MSANTD4: variants seen among roughly 807,000 people sequenced by gnomAD.
MSANTD4 encodes Myb/SANT DNA binding domain containing 4 with coiled-coils, also known as myb/SANT-like DNA-binding domain-containing protein 4.
In MSANTD4, 13 loss-of-function variants were observed where a neutral mutation model predicts 34.3. The ratio of observed to expected loss-of-function variants is 0.38; its 90% CI spans 0.25 to 0.60. MSANTD4 has a LOEUF of 0.60. Ranked by LOEUF, MSANTD4 falls within the 20% of genes least tolerant of loss-of-function variation. MSANTD4 has a pLI of 0.63. For synonymous variants in MSANTD4, 137 were observed against 145.2 expected, an observed-to-expected ratio of 0.94 and a Z score of 0.41; for missense variants, 358 against 401.8, an observed-to-expected ratio of 0.89 and a Z score of 0.93.
chr11:106,011,878 C>A (rs556364076), intron 1 of MSANTD4, among the ~76,000 whole-genome samples: 1 of 152,190 alleles, frequency 6.6e-6, no homozygotes, highest in African/African-American at 2.4e-5. Context: ...AACTCAGAAA[C>A]CAATTTGAGA....
chr11:106,019,996 G>A (rs1859981952), intron 1 of MSANTD4, among the ~76,000 whole-genome samples: 1 of 152,186 alleles, frequency 6.6e-6, no homozygotes, highest in South Asian at 2.1e-4. Flanking sequence ...CGATTAAGAA[G>A]TTTATCATGC....
Position 106,021,208 on chromosome 11 carries a change from C to T in MSANTD4, c.-397G>A, listed in dbSNP as rs1565392535. On this transcript the variant is annotated 5_prime_UTR_variant, in exon 1 of 3. Coordinates refer to ENST00000301919, the MANE Select transcript of MSANTD4 (RefSeq NM_032424.3). ...CTATCCCTTTTCTATTGCCTGTCAT[C>T]GCTCTCTTAGCAGAAAGGATTCAAC... 1 of 152,336 alleles carries T rather than the reference C, an allele frequency of 6.6e-6. No homozygotes were observed. The highest frequency in any genetic ancestry group is 1.9e-4 in the East Asian group (1 of 5,188). The allele number at this position is 152,336 out of a possible 1,614,324, so 9.4% of individuals were successfully genotyped here. A position where few individuals can be genotyped will look rare whatever the true frequency, so the allele number is the denominator to read the frequency against.
intron 1 of MSANTD4, among the ~76,000 whole-genome samples, chr11:106,018,188 A>G (rs1321244742): frequency 6.6e-6 from 1 of 152,228 alleles, no homozygotes; most frequent in African/African-American, 2.4e-5. Context: ...TGTATAGTCA[A>G]TATATTATTT....
chr11:106,020,441 T>G (rs907203824), intron 1 of MSANTD4, among the ~76,000 whole-genome samples: 2 of 152,222 alleles, frequency 1.3e-5, no homozygotes, highest in Non-Finnish European at 2.9e-5. Flanking sequence ...ACTGTTACTG[T>G]AGTAACATAT....
At chr11:106,010,435 G>A (rs751893044) in intron 2 of MSANTD4, 21 bp downstream of exon 2, 3 of 1,576,530 alleles carry the variant, frequency 1.9e-6, no homozygotes, top group African/African-American at 2.7e-5. Context: ...ATTAAAAGAG[G>A]GTACAGAGGC....
intron 1 of MSANTD4, among the ~76,000 whole-genome samples, chr11:106,018,989 T>C (rs560592302): frequency 6.6e-6 from 1 of 152,346 alleles, no homozygotes; most frequent in Admixed American, 6.5e-5. Flanking sequence ...TCAATAGGTA[T>C]ATACTGAGTG....
At chr11:106,011,862 C>CT (rs1252525557) in intron 1 of MSANTD4, among the ~76,000 whole-genome samples, 15 of 152,148 alleles carry the variant, frequency 9.9e-5, no homozygotes, top group African/African-American at 3.6e-4. Flanking sequence ...GCTGCAAAAT[C>CT]AATAAAACTC....
Position 106,009,631 on chromosome 11 carries a change from A to G in MSANTD4, c.942T>C (p.Phe314=). ...GCAGCTTCTCAGATTCAAACTTCAA[A>G]AACTGCAGCCTATCCTTTTCCAGTT... The part of the protein sequence containing the change: ...RLQLEKDRLQ[F]LKFESEKLQI... Residue 314 remains phenylalanine (F), a synonymous_variant, in exon 3 of 3, where the codon TTT becomes TTC. Coordinates refer to ENST00000301919, the MANE Select transcript of MSANTD4 (RefSeq NM_032424.3). 6.2e-7 allele frequency: 1 copy of G among 1,614,138 alleles called. No individual in the cohort carries two copies.
intron 1 of MSANTD4, among the ~76,000 whole-genome samples, chr11:106,018,619 C>A (rs557574185): frequency 6.6e-6 from 1 of 152,194 alleles, no homozygotes; most frequent in Non-Finnish European, 1.5e-5. Flanking sequence ...AAGAAACTTC[C>A]TTTAGGAGAT....
intron 1 of MSANTD4, among the ~76,000 whole-genome samples, chr11:106,012,018 G>A (rs1859708920): frequency 6.6e-6 from 1 of 151,824 alleles, no homozygotes; most frequent in Non-Finnish European, 1.5e-5. Context: ...AACAATGAAA[G>A]TATTGTAGGA....
At position 106,010,815 on chromosome 11, in the gene MSANTD4, G is replaced by C; in HGVS notation, c.103C>G (p.Gln35Glu). 1 of 1,614,016 alleles carries C rather than the reference G, an allele frequency of 6.2e-7. No individual in the cohort carries two copies. The change falls in exon 2 of 3, where the codon CAG (glutamine) becomes GAG (glutamate). Residue 35 changes from glutamine (Q) to glutamate (E), a missense_variant. This residue lies in a region of MSANTD4 where 46 missense variants were observed against 84.3 expected (regional missense o/e 0.55). Transcript: ENST00000301919. ...TKRKEVIFSK[Q>E]LNTTINVMKR... is the part of the protein sequence containing the mutation. ...ATCACATTAATTGTTGTATTGAGCT[G>C]CTTGGAAAAAATGACTTCTTTCCTT...
rs1047148657 is a variant in MSANTD4 at position 106,021,718 on chromosome 11, A to G, written c.-907T>C. On this transcript the variant is annotated 5_prime_UTR_variant, in exon 1 of 3. Transcript: ENST00000301919. Reference sequence around the variant, plus strand: ...GTATACTTATGGGTCGACGGTTATCAAAGTATCTTTCACCTCCCTCCCGCT... The same window carrying G: ...GTATACTTATGGGTCGACGGTTATCGAAGTATCTTTCACCTCCCTCCCGCT... 6.6e-6 allele frequency: 1 copy of G among 152,174 alleles called. No individual in the cohort carries two copies. Among genetic ancestry groups the G allele is most frequent in the African/African-American group, 2.4e-5 (1 of 41,422 alleles). The allele number at this position is 152,174 out of a possible 1,614,324, so 9.4% of individuals were successfully genotyped here.
intron 1 of MSANTD4, among the ~76,000 whole-genome samples, chr11:106,017,777 G>A (rs556187005): frequency 6.6e-5 from 10 of 152,128 alleles, no homozygotes; most frequent in Non-Finnish European, 8.8e-5. Context: ...GAGAAATGAC[G>A]TGCATATGAA....
chr11:106,021,647 C>T lies in MSANTD4; in HGVS notation c.-836G>A, dbSNP rs1860041101. ...TTCTTATAGGGGATTCACTTCCCTG[C>T]CAAAAAGTATGTTCTTCTCTAAAAC... On this transcript the variant is annotated 5_prime_UTR_variant, in exon 1 of 3. Transcript: ENST00000301919. 1 of 152,108 alleles carries T rather than the reference C, an allele frequency of 6.6e-6. No homozygotes were observed. Among genetic ancestry groups the T allele is most frequent in the South Asian group, 2.1e-4 (1 of 4,816 alleles). The allele number at this position is 152,108 out of a possible 1,614,324, so 9.4% of individuals were successfully genotyped here.
rs777183423 is a variant in MSANTD4, at chr11:106,009,106, T to TGG, written c.*427_*428dup. ...GGGTTGGAAAATTCTTTACTGAGTG[T>TGG]GGGGGGGTGTTGAGGAGGTATGCAT... On this transcript the variant is annotated 3_prime_UTR_variant, in exon 3 of 3. Coordinates refer to ENST00000301919, the MANE Select transcript of MSANTD4 (RefSeq NM_032424.3). The TGG allele has an allele frequency of 6.4e-6, 1 of 157,124 alleles. No homozygotes were observed. The highest frequency in any genetic ancestry group is 2.4e-5 in the African/African-American group (1 of 41,490). 9.7% of individuals were successfully genotyped at this position (157,124 alleles called of 1,614,324 possible).
upstream of MSANTD4, chr11:106,022,260 AT>A (rs569374062): frequency 6.6e-6 from 1 of 152,564 alleles, no homozygotes; most frequent in South Asian, 2.1e-4. Flanking sequence ...TGCTTCATTG[AT>A]CCCCCGCCCA....
chr11:106,017,299 C>T (rs938507760), intron 1 of MSANTD4, among the ~76,000 whole-genome samples: 1 of 152,198 alleles, frequency 6.6e-6, no homozygotes, highest in African/African-American at 2.4e-5. Context: ...ACATCCTATG[C>T]TCTACAACAG....
At chr11:106,013,133 G>A (rs1859744570) in intron 1 of MSANTD4, among the ~76,000 whole-genome samples, 1 of 152,144 alleles carries the variant, frequency 6.6e-6, no homozygotes, top group African/African-American at 2.4e-5. Context: ...ACTTTGACTT[G>A]GAAAAGAGAT....
rs1196376960 is a variant in MSANTD4, at chr11:106,022,148, G to C, written c.-1337C>G. The C allele has an allele frequency of 6.5e-6, 1 of 152,778 alleles. No individual in the cohort carries two copies. Among genetic ancestry groups the C allele is most frequent in the East Asian group, 1.9e-4 (1 of 5,198 alleles). The allele number at this position is 152,778 out of a possible 1,614,324, so 9.5% of individuals were successfully genotyped here. On this transcript the variant is annotated 5_prime_UTR_variant, in exon 1 of 3. Transcript: ENST00000301919. ...CACTGCGAGGGCACCCACTGGTCAC[G>C]GAGCCGCCGCTTCCCTGGCCGCCTC...
Sources: allele counts gnomAD v4.1 joint callset (sites outside exome capture counted in the v4.1 genomes callset), GRCh38; gene constraint gnomAD v4.1.1; regional missense constraint gnomAD v4.1.1; transcripts MANE v1.5; gene names NCBI Gene and HGNC (gene_info 2026-07-23, HGNC 2026-07-21).